DOCK5: variants seen among roughly 807,000 people sequenced by gnomAD.
DOCK5 encodes the protein dedicator of cytokinesis protein 5.
In DOCK5, 142 loss-of-function variants were observed where a neutral mutation model predicts 251.8. The observed-to-expected ratio is 0.56, with a 90% CI of 0.49 to 0.65. The LOEUF is 0.65. Ranked by LOEUF, DOCK5 falls within the 30% of genes least tolerant of loss-of-function variation. The pLI, the probability that DOCK5 is intolerant of heterozygous loss-of-function variation, is 0.00. For synonymous variants in DOCK5, 842 were observed against 835.5 expected, an observed-to-expected ratio of 1.01 and a Z score of -0.13; for missense variants, 2,111 against 2,312.3, an observed-to-expected ratio of 0.91 and a Z score of 1.79.
intron 1 of DOCK5, among the ~76,000 whole-genome samples, chr8:25,238,253 T>C (rs1452096056): frequency 6.6e-6 from 1 of 152,228 alleles, no homozygotes; most frequent in East Asian, 1.9e-4. Flanking sequence ...ATGTGATGAA[T>C]AGACCAGCTT....
intron 1 of DOCK5, 51 bp downstream of exon 1, chr8:25,185,002 C>T: frequency 1.5e-6 from 2 of 1,309,268 alleles, no homozygotes; most frequent in South Asian, 2.4e-5. Flanking sequence ...GCCAAGTTCG[C>T]GGACAGCGGC....
intron 2 of DOCK5, among the ~76,000 whole-genome samples, chr8:25,263,722 T>C (rs1253881665): frequency 6.6e-6 from 1 of 151,562 alleles, no homozygotes; most frequent in Non-Finnish European, 1.5e-5. Context: ...TCTGCTCCCT[T>C]ACACGGATGC....
At chr8:25,324,850 T>C (rs1805521966) in intron 17 of DOCK5, among the ~76,000 whole-genome samples, 1 of 138,034 alleles carries the variant, frequency 7.2e-6, no homozygotes, top group South Asian at 2.5e-4. Flanking sequence ...CCTGTGTCCA[T>C]GTGTTCTCAT....
At chr8:25,224,377 C>T (rs1469390501) in intron 1 of DOCK5, among the ~76,000 whole-genome samples, 2 of 152,198 alleles carry the variant, frequency 1.3e-5, no homozygotes, top group African/African-American at 4.8e-5. Flanking sequence ...CCTTGGCCTC[C>T]CAAAGTGCTG....
intron 28 of DOCK5, among the ~76,000 whole-genome samples, chr8:25,361,352 G>A (rs1259177584): frequency 1.3e-5 from 2 of 152,222 alleles, no homozygotes; most frequent in Non-Finnish European, 2.9e-5. Context: ...ACTCATGCCT[G>A]TAATCTCAGC....
intron 24 of DOCK5, 87 bp from the exon 25 acceptor site, chr8:25,342,314 A>G: frequency 9.9e-7 from 1 of 1,014,216 alleles, no homozygotes. Context: ...TCCATGCCCA[A>G]ATCTCAGAGT....
chr8:25,373,553 T>C lies in DOCK5; in HGVS notation c.3685-65T>C, dbSNP rs986607405. On this transcript the variant is annotated intron_variant, in intron 35 of 51. Coordinates refer to ENST00000276440, the MANE Select transcript of DOCK5 (RefSeq NM_024940.8). ...TTTGAAAAGCAACAATAGTGGTTTG[T>C]CTATTTTTGTGTCAATAGCTCTTGA... 2.7e-6 allele frequency: 4 copies of C among 1,455,140 alleles called. No homozygotes were observed. In the African/African-American group the frequency reaches 5.6e-5, roughly 20 times the overall value. The allele number at this position is 1,455,140 out of a possible 1,614,324, so 90.1% of individuals were successfully genotyped here.
chr8:25,201,374 T>C (rs1298142463), intron 1 of DOCK5, among the ~76,000 whole-genome samples: 1 of 152,234 alleles, frequency 6.6e-6, no homozygotes, highest in Non-Finnish European at 1.5e-5. Context: ...ATTTCAATAG[T>C]GAAAGAGAAC....
intron 5 of DOCK5, among the ~76,000 whole-genome samples, chr8:25,284,967 C>T (rs748590492): frequency 1.4e-4 from 21 of 152,134 alleles, no homozygotes; most frequent in Non-Finnish European, 2.5e-4. Flanking sequence ...GATTTAGTTT[C>T]GTGCTATTCC....
intron 1 of DOCK5, among the ~76,000 whole-genome samples, chr8:25,218,595 T>G (rs963116924): frequency 1.3e-5 from 2 of 152,196 alleles, no homozygotes; most frequent in Non-Finnish European, 2.9e-5. Flanking sequence ...CCTCCTGTGG[T>G]GTTTATGACA....
intron 28 of DOCK5, among the ~76,000 whole-genome samples, chr8:25,360,847 C>T (rs987506398): frequency 1.3e-5 from 2 of 152,092 alleles, no homozygotes; most frequent in African/African-American, 4.8e-5. Context: ...CAAACCGTGA[C>T]AATTTGGCTC....
In DOCK5 at chr8:25,337,196, A is replaced by T. The variant is rs77878324; in HGVS notation, c.2327+823A>T. ...AACTTAAATGGTCAATAAACTTTTT[A>T]AAAAATTTCATACTATCAAAAGAAT... On this transcript the variant is annotated intron_variant, in intron 22 of 51. Transcript: ENST00000276440. 8.1e-3 allele frequency among the ~76,000 whole-genome samples: 1,228 copies of T among 152,268 alleles called. 12 individuals carry two copies. Among genetic ancestry groups the T allele is most frequent in the African/African-American group, 0.027 (1,117 of 41,548 alleles).
intron 16 of DOCK5, among the ~76,000 whole-genome samples, chr8:25,323,150 G>A (rs1805470818): frequency 6.6e-6 from 1 of 151,410 alleles, no homozygotes; most frequent in African/African-American, 2.5e-5. Context: ...CGAAGACCAA[G>A]AGAGAGGAGC....
intron 16 of DOCK5, among the ~76,000 whole-genome samples, chr8:25,322,478 A>G (rs1430593940): frequency 3.3e-5 from 5 of 152,178 alleles, no homozygotes; most frequent in Non-Finnish European, 7.3e-5. Flanking sequence ...TGGAGCAATA[A>G]TAGTATCAGG....
chr8:25,253,893 G>A (rs1803342345), intron 2 of DOCK5, among the ~76,000 whole-genome samples: 1 of 152,194 alleles, frequency 6.6e-6, no homozygotes, highest in African/African-American at 2.4e-5. Flanking sequence ...ATCGACAGAT[G>A]GATTCTAAAG....
At chr8:25,327,781 A>G (rs988319435) in intron 18 of DOCK5, among the ~76,000 whole-genome samples, 10 of 152,186 alleles carry the variant, frequency 6.6e-5, no homozygotes, top group Admixed American at 2.0e-4. Context: ...CAAAAGCTCA[A>G]TTAGACAAGA....
chr8:25,304,398 A>C, intron 11 of DOCK5, 71 bp downstream of exon 11: 1 of 1,345,678 alleles, frequency 7.4e-7, no homozygotes, highest in Non-Finnish European at 1.0e-6. Context: ...TTTAACACAG[A>C]AACAGGTGTT....
At chr8:25,396,937 T>G (rs1801356427) in intron 45 of DOCK5, among the ~76,000 whole-genome samples, 1 of 152,122 alleles carries the variant, frequency 6.6e-6, no homozygotes, top group Non-Finnish European at 1.5e-5. Flanking sequence ...AATGCCTGAC[T>G]TGGCCAGGCA....
rs1800841421 is a variant in DOCK5 at position 25,369,761 on chromosome 8, A to G, written c.3524+120A>G. 9 of 750,270 alleles carry G rather than the reference A, an allele frequency of 1.2e-5. No individual in the cohort carries two copies. The Admixed American group carries it at 1.8e-4, about 15-fold the overall frequency. The allele number at this position is 750,270 out of a possible 1,614,324, so 46.5% of individuals were successfully genotyped here. A position where few individuals can be genotyped will look rare whatever the true frequency, so the allele number is the denominator to read the frequency against. ...TCTCAGAGTCACTAGGGCCACCCCC[A>G]CTGTGGTCTTCAGTATGGTTATGGG... On this transcript the variant is annotated intron_variant, in intron 34 of 51. Transcript: ENST00000276440.
Sources: gnomAD v4.1 joint callset for allele counts (sites outside exome capture counted in the v4.1 genomes callset) on GRCh38, gnomAD v4.1.1 for gene constraint, MANE v1.5 for transcripts, NCBI Gene and HGNC (gene_info 2026-07-23, HGNC 2026-07-21) for gene names.